Variants in EFNA5 observed in about 807,000 individuals in gnomAD.
EFNA5 encodes ephrin-A5.
Under a neutral mutation model 22.9 loss-of-function variants are expected in EFNA5, and 5 were observed. The observed-to-expected ratio is 0.22, with a 90% CI of 0.11 to 0.46. The LOEUF (loss-of-function observed/expected upper bound fraction) is 0.46. EFNA5 is among the 20% of genes least tolerant of loss of function. The pLI is 0.99. For missense variants in EFNA5, 237 were observed against 293.3 expected, an observed-to-expected ratio of 0.81 and a Z score of 1.40; for synonymous variants, 113 against 112.2, an observed-to-expected ratio of 1.01 and a Z score of -0.04.
chr5:107,431,762 C>T (rs982119211), intron 1 of EFNA5, among the ~76,000 whole-genome samples: 1 of 152,152 alleles, frequency 6.6e-6, no homozygotes, highest in Non-Finnish European at 1.5e-5. Flanking sequence ...CCTTCATTCA[C>T]GGATGCAACA....
At chr5:107,383,980 C>T (rs1391615363) in intron 4 of EFNA5, among the ~76,000 whole-genome samples, 1 of 152,192 alleles carries the variant, frequency 6.6e-6, no homozygotes, top group African/African-American at 2.4e-5. Flanking sequence ...ATTAGGGCAT[C>T]AGGATCCTTC....
chr5:107,460,353 C>CT (rs1284495908), intron 1 of EFNA5, among the ~76,000 whole-genome samples: 2 of 152,152 alleles, frequency 1.3e-5, no homozygotes, highest in Non-Finnish European at 2.9e-5. Context: ...TCCATGTCTT[C>CT]TATTATTGCC....
chr5:107,486,511 G>A (rs1400773141), intron 1 of EFNA5, among the ~76,000 whole-genome samples: 3 of 152,288 alleles, frequency 2.0e-5, no homozygotes, highest in Non-Finnish European at 2.9e-5. Context: ...AAAGATAAAA[G>A]AAAGACATCA....
chr5:107,414,410 A>G (rs375757927), intron 2 of EFNA5, among the ~76,000 whole-genome samples: 2 of 152,304 alleles, frequency 1.3e-5, no homozygotes, highest in East Asian at 3.9e-4. Context: ...TTTCATGAAT[A>G]TATTTTTCCC....
chr5:107,560,784 T>C (rs1367886473), intron 1 of EFNA5, among the ~76,000 whole-genome samples: 2 of 152,138 alleles, frequency 1.3e-5, no homozygotes, highest in Admixed American at 6.5e-5. Flanking sequence ...TCATCCATCG[T>C]AACAGCGACT....
intron 1 of EFNA5, among the ~76,000 whole-genome samples, chr5:107,456,166 G>A (rs1418839479): frequency 6.6e-6 from 1 of 152,118 alleles, no homozygotes; most frequent in African/African-American, 2.4e-5. Context: ...GGGTGATGGG[G>A]TGGTGGCTTA....
At chr5:107,551,643 G>A (rs1254140602) in intron 1 of EFNA5, among the ~76,000 whole-genome samples, 3 of 151,984 alleles carry the variant, frequency 2.0e-5, no homozygotes, top group Admixed American at 6.6e-5. Flanking sequence ...ACTCCCTGCC[G>A]ATCTCCATAT....
At chr5:107,504,807 T>C (rs1041988588) in intron 1 of EFNA5, among the ~76,000 whole-genome samples, 96 of 152,338 alleles carry the variant, frequency 6.3e-4, no homozygotes, top group African/African-American at 2.1e-3. Flanking sequence ...TTCATTACTA[T>C]TCTAGTAGAC....
intron 1 of EFNA5, among the ~76,000 whole-genome samples, chr5:107,519,018 G>T (rs1328213219): frequency 6.6e-6 from 1 of 152,174 alleles, no homozygotes; most frequent in Non-Finnish European, 1.5e-5. Flanking sequence ...TGGTTACAGA[G>T]AATAAATCTA....
At chr5:107,476,046 C>A (rs1448880182) in intron 1 of EFNA5, among the ~76,000 whole-genome samples, 10 of 31,264 alleles carry the variant, frequency 3.2e-4, no homozygotes, top group African/African-American at 1.4e-3. Context: ...AGTTTTTAAA[C>A]TATATATATA....
chr5:107,640,976 G>GCAGA (rs1220449654), intron 1 of EFNA5, among the ~76,000 whole-genome samples: 235 of 145,530 alleles, frequency 1.6e-3, no homozygotes, highest in African/African-American at 5.7e-3. Flanking sequence ...AGGTAGGCAG[G>GCAGA]TAGATAGATA....
At chr5:107,446,007 G>A (rs1749382911) in intron 1 of EFNA5, among the ~76,000 whole-genome samples, 1 of 152,150 alleles carries the variant, frequency 6.6e-6, no homozygotes, top group African/African-American at 2.4e-5. Flanking sequence ...TTAAGAGAAA[G>A]GAATACACAG....
intron 1 of EFNA5, among the ~76,000 whole-genome samples, chr5:107,576,448 C>T (rs188382154): frequency 1.3e-5 from 2 of 152,060 alleles, no homozygotes; most frequent in South Asian, 2.1e-4. Flanking sequence ...GTTAATCTGC[C>T]GTCCTATTCA....
At chr5:107,532,381 C>T (rs1747830905) in intron 1 of EFNA5, among the ~76,000 whole-genome samples, 1 of 152,240 alleles carries the variant, frequency 6.6e-6, no homozygotes, top group East Asian at 1.9e-4. Context: ...CCACACCTGA[C>T]TGCCCAGTGA....
chr5:107,614,867 C>A (rs568515430), intron 1 of EFNA5, among the ~76,000 whole-genome samples: 3 of 152,208 alleles, frequency 2.0e-5, no homozygotes, highest in Non-Finnish European at 4.4e-5. Flanking sequence ...AATTCTTTAA[C>A]AACTATTTTT....
At chr5:107,521,969 C>G (rs1327721097) in intron 1 of EFNA5, among the ~76,000 whole-genome samples, 1 of 152,146 alleles carries the variant, frequency 6.6e-6, no homozygotes, top group African/African-American at 2.4e-5. Context: ...GTTAGGACTA[C>G]AGGTACACCA....
At chr5:107,436,127 G>A (rs530616881) in intron 1 of EFNA5, among the ~76,000 whole-genome samples, 10 of 152,312 alleles carry the variant, frequency 6.6e-5, no homozygotes, top group South Asian at 2.1e-4. Flanking sequence ...ATGTCAGTCT[G>A]AATGACTTTT....
At chr5:107,632,342 T>A (rs1179242677) in intron 1 of EFNA5, among the ~76,000 whole-genome samples, 1 of 152,180 alleles carries the variant, frequency 6.6e-6, no homozygotes, top group African/African-American at 2.4e-5. Flanking sequence ...AACTCTGATA[T>A]ACTTATAAGA....
At chr5:107,624,878 C>CA (rs1224713198) in intron 1 of EFNA5, among the ~76,000 whole-genome samples, 1 of 152,016 alleles carries the variant, frequency 6.6e-6, no homozygotes, top group Non-Finnish European at 1.5e-5. Context: ...ACGGTTTTCA[C>CA]AAAAATTATA....
Sources: allele counts gnomAD v4.1 joint callset (sites outside exome capture counted in the v4.1 genomes callset), GRCh38; gene constraint gnomAD v4.1.1; transcripts MANE v1.5; gene names NCBI Gene and HGNC (gene_info 2026-07-23, HGNC 2026-07-21).